Variants in PDE8B observed in about 807,000 individuals in gnomAD.
PDE8B encodes phosphodiesterase 8B.
In PDE8B, 26 loss-of-function variants were observed where a neutral mutation model predicts 101.3. The observed-to-expected ratio is 0.26, with a 90% CI of 0.19 to 0.36. PDE8B has a LOEUF of 0.36. PDE8B is among the 10% of genes least tolerant of loss of function. The pLI is 1.00. For synonymous variants in PDE8B, 424 were observed against 429.3 expected, an observed-to-expected ratio of 0.99 and a Z score of 0.15; for missense variants, 810 against 1,163.1, an observed-to-expected ratio of 0.70 and a Z score of 4.42.
the PDE8B span, chr5:77,098,566 G>C: frequency 6.6e-6 from 1 of 152,198 alleles, no homozygotes; most frequent in African/African-American, 2.4e-5. Context: ...AAAATGCTGG[G>C]ATTAAAGGTG....
chr5:77,116,231 T>A, the PDE8B span, among the ~76,000 whole-genome samples: 1,283 of 103,596 alleles, frequency 0.012, 7 homozygotes, highest in African/African-American at 0.036. Flanking sequence ...TATATTTTTT[T>A]TTTTTTTTTT....
the PDE8B span, among the ~76,000 whole-genome samples, chr5:77,109,927 GTTTTTTTTTTTTTTT>G: frequency 1.5e-5 from 1 of 67,234 alleles, no homozygotes; most frequent in African/African-American, 5.8e-5. Flanking sequence ...TTGTATTTCA[GTTTTTTTTTTTTTTT>G]TTTTTTTTTT....
chr5:77,132,598 T>C, the PDE8B span, among the ~76,000 whole-genome samples: 2 of 152,232 alleles, frequency 1.3e-5, no homozygotes, highest in African/African-American at 4.8e-5. Flanking sequence ...CTCAGTCAAA[T>C]TCCCCACGCT....
rs375262956 is a variant in PDE8B, at chr5:77,310,450, C to T, written c.340-1544C>T. ...CCCCTAGGCTACTGGTGTCAGCACC[C>T]ACACCTTGCAGGATACTGACTTACT... On this transcript the variant is annotated intron_variant, in intron 1 of 21. Transcript: ENST00000264917. Among the ~76,000 whole-genome samples the T allele has an allele frequency of 2.6e-5, 4 of 152,372 alleles. No individual in the cohort carries two copies. The East Asian group carries it at 5.8e-4, about 22-fold the overall frequency.
chr5:77,288,049 C>T (rs1016262692), intron 1 of PDE8B, among the ~76,000 whole-genome samples: 4 of 152,212 alleles, frequency 2.6e-5, no homozygotes, highest in African/African-American at 4.8e-5. Context: ...GGCATATTCC[C>T]GCAGACAGAA....
chr5:77,225,847 T>TAC (rs1752227409), intron 1 of PDE8B, among the ~76,000 whole-genome samples: 2 of 94,418 alleles, frequency 2.1e-5, no homozygotes, highest in South Asian at 4.9e-4. Flanking sequence ...CACATGCGCG[T>TAC]GCACACACAC....
At chr5:77,090,133 A>G in the PDE8B span, among the ~76,000 whole-genome samples, 3 of 152,060 alleles carry the variant, frequency 2.0e-5, no homozygotes, top group African/African-American at 4.8e-5. Context: ...GAGGTGGGGG[A>G]GTGAAGACAG....
chr5:77,326,754 T>A (rs944822884), intron 3 of PDE8B, among the ~76,000 whole-genome samples: 1 of 152,170 alleles, frequency 6.6e-6, no homozygotes, highest in Non-Finnish European at 1.5e-5. Flanking sequence ...TATAATAGAA[T>A]TGGGTCTTGT....
At chr5:77,360,069 T>C (rs2150544954) in intron 10 of PDE8B, among the ~76,000 whole-genome samples, 1 of 147,196 alleles carries the variant, frequency 6.8e-6, no homozygotes, top group East Asian at 2.0e-4. Flanking sequence ...CCAGCCTGGG[T>C]GACACAGCGA....
chr5:77,378,671 C>G (rs1234680645), intron 10 of PDE8B, among the ~76,000 whole-genome samples: 1 of 152,112 alleles, frequency 6.6e-6, no homozygotes, highest in Non-Finnish European at 1.5e-5. Flanking sequence ...GCCGCCGGTA[C>G]ACTGAGCACA....
chr5:77,401,013 G>A (rs1792154876), intron 11 of PDE8B, among the ~76,000 whole-genome samples: 1 of 152,178 alleles, frequency 6.6e-6, no homozygotes, highest in Non-Finnish European at 1.5e-5. Context: ...TCTCTTCTTG[G>A]TGAGGTGGAT....
At chr5:77,398,913 G>T (rs1437318006) in intron 10 of PDE8B, among the ~76,000 whole-genome samples, 1 of 152,206 alleles carries the variant, frequency 6.6e-6, no homozygotes, top group South Asian at 2.1e-4. Flanking sequence ...GAGTGGGCAG[G>T]CCTGTGCACA....
In PDE8B at chr5:77,318,189, G is replaced by A. The variant is rs1774259121; in HGVS notation, c.399+6136G>A. ...TAGTGGAGATCACATGGCCTCATAGGGAGCTGACCTTCACACATTAAGTGA... is the reference window on the plus strand; with the variant it reads ...TAGTGGAGATCACATGGCCTCATAGAGAGCTGACCTTCACACATTAAGTGA... On this transcript the variant is annotated intron_variant, in intron 2 of 21. Coordinates refer to ENST00000264917, the MANE Select transcript of PDE8B (RefSeq NM_003719.5). Among the ~76,000 whole-genome samples the A allele has an allele frequency of 3.3e-5, 5 of 152,126 alleles. No homozygotes were observed. The South Asian group carries it at 8.3e-4, about 25-fold the overall frequency.
At chr5:77,134,713 T>C in the PDE8B span, 5 of 152,218 alleles carry the variant, frequency 3.3e-5, no homozygotes, top group African/African-American at 1.2e-4. Flanking sequence ...TAAGACCTTC[T>C]GGAATAAAGA....
chr5:77,209,009 T>C (rs1747750258), upstream of PDE8B, among the ~76,000 whole-genome samples: 1 of 152,158 alleles, frequency 6.6e-6, no homozygotes, highest in East Asian at 1.9e-4. Context: ...CCCACAAATG[T>C]TGACTACAAG....
the PDE8B span, among the ~76,000 whole-genome samples, chr5:77,168,190 T>C: frequency 6.6e-6 from 1 of 152,188 alleles, no homozygotes; most frequent in African/African-American, 2.4e-5. Context: ...CCTGCCCCTC[T>C]CCCCTTGAAT....
chr5:77,426,051 T>G, intron 21 of PDE8B, 155 bp downstream of exon 21: 1 of 710,778 alleles, frequency 1.4e-6, no homozygotes, highest in Non-Finnish European at 2.5e-6. Flanking sequence ...GTGCATTCTT[T>G]GCATCCCCAG....
chr5:77,388,169 G>C (rs1242496037), intron 10 of PDE8B, among the ~76,000 whole-genome samples: 1 of 152,138 alleles, frequency 6.6e-6, no homozygotes, highest in Non-Finnish European at 1.5e-5. Context: ...CTGGTTTTTG[G>C]AATTTTCAGC....
chr5:77,153,334 T>C, the PDE8B span, among the ~76,000 whole-genome samples: 1 of 152,228 alleles, frequency 6.6e-6, no homozygotes, highest in Non-Finnish European at 1.5e-5. Context: ...TCTTTCATTA[T>C]TTGTGATAAC....
Sources: allele counts gnomAD v4.1 joint callset (sites outside exome capture counted in the v4.1 genomes callset), GRCh38; gene constraint gnomAD v4.1.1; transcripts MANE v1.5; gene names NCBI Gene and HGNC (gene_info 2026-07-23, HGNC 2026-07-21).